Variants in DGKG observed in about 807,000 individuals in gnomAD.
DGKG encodes the protein DAG kinase gamma.
In DGKG, 78 loss-of-function variants were observed where a neutral mutation model predicts 105.3. The observed-to-expected ratio is 0.74, with a 90% CI of 0.62 to 0.89. DGKG has a LOEUF of 0.89. Among genes scored for constraint, DGKG ranks in the 40% least tolerant of loss-of-function variants. The pLI, the probability that DGKG is intolerant of heterozygous loss-of-function variation, is 0.00. For missense variants in DGKG, 958 were observed against 1,020.1 expected (o/e 0.94, Z 0.83); for synonymous variants, 346 against 367.1 (o/e 0.94, Z 0.66).
chr3:186,300,232 A>G (rs1349376853), intron 3 of DGKG, among the ~76,000 whole-genome samples: 1 of 152,166 alleles, frequency 6.6e-6, no homozygotes, highest in East Asian at 1.9e-4. Context: ...TTTACCTGCA[A>G]GTATGTTAAA....
At position 186,280,754 on chromosome 3, in the gene DGKG, A is replaced by G. The variant is rs2108595343; in HGVS notation, c.595-10T>C. ...CAATGCAATCCATCTCCTAGAAAAT[A>G]GCAAAGGGAGAAAATATCAAAAGGA... On this transcript the variant is annotated splice_polypyrimidine_tract_variant and intron_variant, in intron 7 of 24. Transcript: ENST00000265022. The G allele has an allele frequency of 6.2e-7, 1 of 1,611,142 alleles. No individual in the cohort carries two copies.
chr3:186,296,304 A>C (rs1340040992), intron 5 of DGKG, among the ~76,000 whole-genome samples: 1 of 152,234 alleles, frequency 6.6e-6, no homozygotes, highest in Admixed American at 6.5e-5. Flanking sequence ...TTGTTCAAAC[A>C]TGCCCACGGT....
intron 13 of DGKG, 111 bp from the exon 14 acceptor site, chr3:186,265,417 G>C: frequency 2.1e-6 from 2 of 962,542 alleles, no homozygotes; most frequent in Non-Finnish European, 1.6e-6. Flanking sequence ...CAGAAAGCTA[G>C]TGTAGTATGG....
intron 3 of DGKG, among the ~76,000 whole-genome samples, chr3:186,302,514 G>GTATATATATA (rs1172001065): frequency 6.0e-5 from 1 of 16,740 alleles, no homozygotes; most frequent in African/African-American, 3.0e-4. Flanking sequence ...ATACATATGT[G>GTATATATATA]TATATATATA....
intron 20 of DGKG, among the ~76,000 whole-genome samples, chr3:186,235,598 A>T (rs1301953678): frequency 6.6e-6 from 1 of 152,236 alleles, no homozygotes; most frequent in Non-Finnish European, 1.5e-5. Flanking sequence ...TTTTAGATAT[A>T]AGAAGAAAAT....
chr3:186,276,849 C>G (rs1722611841), intron 9 of DGKG, among the ~76,000 whole-genome samples: 1 of 152,172 alleles, frequency 6.6e-6, no homozygotes, highest in African/African-American at 2.4e-5. Context: ...GATGTAGTGT[C>G]CAATATGCGG....
chr3:186,302,187 G>GTTC (rs1723951925), intron 3 of DGKG, among the ~76,000 whole-genome samples: 4 of 151,924 alleles, frequency 2.6e-5, no homozygotes, highest in Admixed American at 2.6e-4. Context: ...ACAGACCTTG[G>GTTC]TTCCTCTACT....
chr3:186,321,774 G>A (rs1381546012), intron 1 of DGKG, among the ~76,000 whole-genome samples: 1 of 152,174 alleles, frequency 6.6e-6, no homozygotes, highest in Non-Finnish European at 1.5e-5. Context: ...TAGAGCTGAG[G>A]GAAGATGCTG....
At position 186,361,305 on chromosome 3, in the gene DGKG, A is replaced by T. The variant is rs984884779; in HGVS notation, c.-249+641T>A. ...GTGGACCGGTGGAGTCTGCGAAAGC[A>T]CCACAGGTGACTCCGGGTACGCACT... On this transcript the variant is annotated intron_variant, in intron 1 of 24. Coordinates refer to ENST00000265022, the MANE Select transcript of DGKG (RefSeq NM_001346.3). The surrounding 1 kb of genome is among the most constrained non-coding windows in gnomAD (Gnocchi z 6.8). Among the ~76,000 whole-genome samples, 5 of 152,182 alleles carry T rather than the reference A, an allele frequency of 3.3e-5. No individual in the cohort carries two copies. The highest frequency in any genetic ancestry group is 3.3e-4 in the Admixed American group (5 of 15,286).
intron 17 of DGKG, among the ~76,000 whole-genome samples, chr3:186,255,257 G>A (rs1721410954): frequency 1.3e-5 from 2 of 152,244 alleles, no homozygotes; most frequent in South Asian, 4.1e-4. Context: ...CTCCGGCTCT[G>A]AGAGTGGGCA....
At chr3:186,248,112 T>G (rs140104399) in intron 19 of DGKG, among the ~76,000 whole-genome samples, 1 of 152,356 alleles carries the variant, frequency 6.6e-6, no homozygotes, top group Non-Finnish European at 1.5e-5. Context: ...GGCTATTTAG[T>G]TGAGGGAAGG....
rs1399717112 is a variant in DGKG at position 186,149,227 on chromosome 3, C to T, written c.*863G>A. ...CGCTTTGGCTTGAAAAAGAAAGAAG[C>T]TGGGGGTGGTTTTTTTTTTCCTTCC... On this transcript the variant is annotated 3_prime_UTR_variant, in exon 25 of 25. Transcript: ENST00000265022. The T allele has an allele frequency of 1.0e-6, 1 of 984,672 alleles. No homozygotes were observed. Among genetic ancestry groups the T allele is most frequent in the Non-Finnish European group, 1.2e-6 (1 of 829,728 alleles). 61.0% of individuals were successfully genotyped at this position (984,672 alleles called of 1,614,324 possible).
intron 6 of DGKG, among the ~76,000 whole-genome samples, chr3:186,286,483 A>G (rs1723075726): frequency 6.6e-6 from 1 of 152,128 alleles, no homozygotes; most frequent in East Asian, 1.9e-4. Context: ...CCTTCCTTCT[A>G]GGTTACAATG....
chr3:186,153,838 C>G (rs1025862139), intron 24 of DGKG, among the ~76,000 whole-genome samples: 2 of 152,208 alleles, frequency 1.3e-5, no homozygotes, highest in Non-Finnish European at 2.9e-5. Context: ...GGCGCGGTGG[C>G]TCACGCCTGT....
intron 1 of DGKG, among the ~76,000 whole-genome samples, chr3:186,346,944 T>C (rs1433443379): frequency 2.0e-5 from 3 of 152,198 alleles, no homozygotes; most frequent in Admixed American, 1.3e-4. Context: ...GCAATTGTGT[T>C]TTGACAATTT....
At chr3:186,174,276 A>G (rs1476584506) in intron 22 of DGKG, among the ~76,000 whole-genome samples, 3 of 152,206 alleles carry the variant, frequency 2.0e-5, no homozygotes, top group Non-Finnish European at 4.4e-5. Flanking sequence ...CTCAAGAAAC[A>G]CTTGCTCTTA....
intron 22 of DGKG, among the ~76,000 whole-genome samples, chr3:186,184,835 C>T (rs955335921): frequency 1.3e-5 from 2 of 152,072 alleles, no homozygotes. Flanking sequence ...AGTTAAGAAT[C>T]GCAACACATG....
chr3:186,182,122 T>G (rs1357637585), intron 22 of DGKG, among the ~76,000 whole-genome samples: 1 of 152,092 alleles, frequency 6.6e-6, no homozygotes, highest in African/African-American at 2.4e-5. Context: ...GACAGCCAGC[T>G]CAGGTGGAAC....
At chr3:186,307,461 A>T (rs1724302696) in intron 2 of DGKG, among the ~76,000 whole-genome samples, 1 of 152,232 alleles carries the variant, frequency 6.6e-6, no homozygotes, top group Non-Finnish European at 1.5e-5. Flanking sequence ...GATCCAGCTC[A>T]AATGTCAACT....
Sources: gnomAD v4.1 joint callset for allele counts (sites outside exome capture counted in the v4.1 genomes callset) on GRCh38, gnomAD v4.1.1 for gene constraint, Gnocchi (gnomAD v3.1) non-coding constraint, MANE v1.5 for transcripts, NCBI Gene and HGNC (gene_info 2026-07-23, HGNC 2026-07-21) for gene names.